TENM2: variants seen among roughly 807,000 people sequenced by gnomAD.
TENM2 encodes the protein teneurin-2.
In TENM2, 52 loss-of-function variants were observed where a neutral mutation model predicts 245.2. That is an observed-to-expected ratio of 0.21 (90% confidence interval 0.17 to 0.27). The LOEUF (loss-of-function observed/expected upper bound fraction) is 0.27, where lower values mean the gene tolerates loss of function less well. Ranked by LOEUF, TENM2 falls within the 10% of genes least tolerant of loss-of-function variation. TENM2 has a pLI of 1.00. For synonymous variants in TENM2, 1,363 were observed against 1,438.9 expected (o/e 0.95, Z 1.19); for missense variants, 3,046 against 3,666.8 (o/e 0.83, Z 4.37).
At chr5:168,204,759 A>C (rs1263979119) in intron 19 of TENM2, 138 bp downstream of exon 21, 1 of 1,135,106 alleles carries the variant, frequency 8.8e-7, no homozygotes, top group East Asian at 2.5e-5. Context: ...GCCCAGAATC[A>C]AATAAGGAGG....
At chr5:167,496,855 C>T (rs1459999973) in intron 2 of TENM2, among the ~76,000 whole-genome samples, 2 of 152,238 alleles carry the variant, frequency 1.3e-5, no homozygotes, top group African/African-American at 4.8e-5. Context: ...TTTACATCAG[C>T]ACTGCTAGAG....
At position 168,059,916 on chromosome 5, in the gene TENM2, A is replaced by G. The variant is rs1027065916; in HGVS notation, c.1310-2144A>G. On this transcript the variant is annotated intron_variant, in intron 6 of 28. Transcript: ENST00000518659. ...ACCTTATAACAATCCTGTGAAATAAATAGTGTCCCATCTATACACATGAGG... is the reference window on the plus strand; with the variant it reads ...ACCTTATAACAATCCTGTGAAATAAGTAGTGTCCCATCTATACACATGAGG... Among the ~76,000 whole-genome samples the G allele has an allele frequency of 1.1e-4, 17 of 152,216 alleles. No homozygotes were observed. In the East Asian group the frequency reaches 3.1e-3, roughly 28 times the overall value.
chr5:167,419,886 G>T (rs1316106526), intron 2 of TENM2, among the ~76,000 whole-genome samples: 1 of 152,206 alleles, frequency 6.6e-6, no homozygotes, highest in East Asian at 1.9e-4. Flanking sequence ...TTCCAATAGT[G>T]AGCAAGTTCT....
At position 167,362,336 on chromosome 5, in the gene TENM2, G is replaced by T. The variant is rs184636149; in HGVS notation, c.227-12862G>T. 3.9e-5 allele frequency among the ~76,000 whole-genome samples: 6 copies of T among 152,274 alleles called. No individual in the cohort carries two copies. In the East Asian group the frequency reaches 1.2e-3, roughly 29 times the overall value. On this transcript the variant is annotated intron_variant, in intron 1 of 28. Transcript: ENST00000518659. ...AACTGTAATTGGTGATGAGGCAGTT[G>T]ATTTAAAAGAATTCTTTTACAAACA...
chr5:167,225,860 T>C, the TENM2 span, among the ~76,000 whole-genome samples: 1 of 151,988 alleles, frequency 6.6e-6, no homozygotes, highest in Non-Finnish European at 1.5e-5. Flanking sequence ...TTGGTCTGTT[T>C]AGGTTTTCTG....
the TENM2 span, among the ~76,000 whole-genome samples, chr5:167,195,228 AG>A: frequency 2.0e-5 from 3 of 152,044 alleles, no homozygotes; most frequent in Non-Finnish European, 4.4e-5. Flanking sequence ...ATTTTAAGGC[AG>A]GGGGGTTTAG....
chr5:168,134,986 G>A (rs1434630568), intron 12 of TENM2, among the ~76,000 whole-genome samples: 1 of 152,204 alleles, frequency 6.6e-6, no homozygotes, highest in African/African-American at 2.4e-5. Context: ...TTAGAACACA[G>A]CATCCTGTCT....
At chr5:167,591,006 G>A (rs1051776058) in intron 2 of TENM2, among the ~76,000 whole-genome samples, 1 of 152,132 alleles carries the variant, frequency 6.6e-6, no homozygotes, top group African/African-American at 2.4e-5. Context: ...ACTGCACAAA[G>A]TACAATGCTG....
chr5:167,408,868 T>C (rs576321374), intron 2 of TENM2, among the ~76,000 whole-genome samples: 17 of 150,506 alleles, frequency 1.1e-4, no homozygotes, highest in Non-Finnish European at 1.9e-4. Context: ...ATCTTACATA[T>C]GGCATAGCAT....
intron 1 of TENM2, among the ~76,000 whole-genome samples, chr5:167,338,484 C>T (rs1398918784): frequency 2.0e-5 from 3 of 152,146 alleles, no homozygotes; most frequent in African/African-American, 7.2e-5. Flanking sequence ...TAAAATAGAA[C>T]GTGGGGAGAA....
At chr5:167,716,695 G>A (rs1380283487) in intron 2 of TENM2, among the ~76,000 whole-genome samples, 1 of 152,064 alleles carries the variant, frequency 6.6e-6, no homozygotes, top group Non-Finnish European at 1.5e-5. Context: ...CAAGTCTTAG[G>A]AATCCAAATG....
intron 2 of TENM2, among the ~76,000 whole-genome samples, chr5:167,549,424 A>G (rs1772784735): frequency 6.6e-6 from 1 of 152,246 alleles, no homozygotes; most frequent in African/African-American, 2.4e-5. Context: ...AACAAAACTA[A>G]CATGATATCA....
chr5:167,838,856 A>T (rs774842419), intron 2 of TENM2, among the ~76,000 whole-genome samples: 24 of 152,206 alleles, frequency 1.6e-4, no homozygotes, highest in Non-Finnish European at 2.9e-4. Context: ...TAAATAATGA[A>T]TGAGGACTTC....
At chr5:168,213,409 T>C (rs1762936876) in intron 20 of TENM2, among the ~76,000 whole-genome samples, 1 of 152,194 alleles carries the variant, frequency 6.6e-6, no homozygotes, top group Non-Finnish European at 1.5e-5. Context: ...ATGGTGGTGT[T>C]TTAATTAGTA....
At chr5:167,641,744 G>A (rs1016337559) in intron 2 of TENM2, among the ~76,000 whole-genome samples, 4 of 152,034 alleles carry the variant, frequency 2.6e-5, no homozygotes, top group East Asian at 1.9e-4. Flanking sequence ...CAGCTTCCTC[G>A]TCAGTAAAAA....
intron 13 of TENM2, among the ~76,000 whole-genome samples, chr5:168,178,950 C>A (rs143062115): frequency 1.3e-5 from 2 of 152,078 alleles, no homozygotes; most frequent in African/African-American, 2.4e-5. Context: ...GGCTAGCCAA[C>A]ATGGTGAAAC....
At chr5:168,233,633 C>G (rs1340481284) in intron 25 of TENM2, among the ~76,000 whole-genome samples, 1 of 152,160 alleles carries the variant, frequency 6.6e-6, no homozygotes, top group Non-Finnish European at 1.5e-5. Context: ...ACAGGGCCAC[C>G]ACAAGGGAGA....
chr5:168,184,066 C>G (rs1760174134), intron 13 of TENM2, among the ~76,000 whole-genome samples: 1 of 152,136 alleles, frequency 6.6e-6, no homozygotes. Flanking sequence ...CTGTGCCCTC[C>G]CAACTAATAC....
At chr5:167,972,183 G>A (rs1157487980) in intron 4 of TENM2, among the ~76,000 whole-genome samples, 2 of 152,190 alleles carry the variant, frequency 1.3e-5, no homozygotes, top group African/African-American at 4.8e-5. Flanking sequence ...ACAGAAAATG[G>A]AAAGGAATAT....
Sources: allele counts gnomAD v4.1 joint callset (sites outside exome capture counted in the v4.1 genomes callset), GRCh38; gene constraint gnomAD v4.1.1; transcripts MANE v1.5; gene names NCBI Gene and HGNC (gene_info 2026-07-23, HGNC 2026-07-21).